The following GALNT15 variants were observed in gnomAD, a reference collection of about 807,000 sequenced individuals.
The protein encoded by GALNT15 is UDP-GalNAc transferase T15.
GALNT15 carries 67 observed loss-of-function variants against 66.8 expected under a neutral mutation model. The ratio of observed to expected loss-of-function variants is 1.00; its 90% CI spans 0.82 to 1.23. The LOEUF (loss-of-function observed/expected upper bound fraction) is 1.23. GALNT15 is among the 50% of genes most tolerant of loss of function. The pLI is 0.00. For missense variants in GALNT15, 827 were observed against 804.3 expected (o/e 1.03, Z -0.34); for synonymous variants, 313 against 311.5 (o/e 1.00, Z -0.05).
Position 16,174,852 on chromosome 3 carries a change from C to T in GALNT15, c.-300C>T, listed in dbSNP as rs367632770. On this transcript the variant is annotated 5_prime_UTR_variant, in exon 1 of 10. Transcript: ENST00000339732. This position sits in a 1 kb window ranked among gnomAD's most constrained non-coding sequence, Gnocchi z 4.7. ...ATTATTTTTTTCCCAAGGAGAAAAC[C>T]GGGGTAAAGGGAGGGAAGCAATTCA... 34 of 388,576 alleles carry T rather than the reference C, an allele frequency of 8.7e-5. No homozygotes were observed. The highest frequency in any genetic ancestry group is 3.5e-4 in the Admixed American group (9 of 25,520). The allele number at this position is 388,576 out of a possible 1,614,324, so 24.1% of individuals were successfully genotyped here. A position where few individuals can be genotyped will look rare whatever the true frequency, so the allele number is the denominator to read the frequency against.
downstream of GALNT15, among the ~76,000 whole-genome samples, chr3:16,235,455 T>C (rs146055815): frequency 2.6e-3 from 403 of 152,264 alleles, 1 homozygote; most frequent in African/African-American, 9.1e-3. Flanking sequence ...AAGTATACCA[T>C]AGAAGTTAGG....
At chr3:16,236,856 G>A (rs192164180), downstream of GALNT15, among the ~76,000 whole-genome samples, 1 of 152,278 alleles carries the variant, frequency 6.6e-6, no homozygotes, top group East Asian at 1.9e-4. Context: ...TTGAGCAAAC[G>A]AGCTTTCTTA....
At position 16,181,626 on chromosome 3, in the gene GALNT15, G is replaced by T. The variant is rs2063472724; in HGVS notation, c.539+5936G>T. Among the ~76,000 whole-genome samples the T allele has an allele frequency of 6.6e-6, 1 of 152,184 alleles. No homozygotes were observed. On this transcript the variant is annotated intron_variant, in intron 1 of 9. Coordinates refer to ENST00000339732, the MANE Select transcript of GALNT15 (RefSeq NM_054110.5). This position sits in a 1 kb window ranked among gnomAD's most constrained non-coding sequence, Gnocchi z 5.9. ...TGACTCCCCACACCCCTTGTTGGCTGTGATAGCCTGGCCTGCAAAAGAGGA... is the reference window on the plus strand; with the variant it reads ...TGACTCCCCACACCCCTTGTTGGCTTTGATAGCCTGGCCTGCAAAAGAGGA...
rs778684205 is a variant in GALNT15 at position 16,228,393 on chromosome 3, C to T, written c.*893C>T. 2 of 951,628 alleles carry T rather than the reference C, an allele frequency of 2.1e-6. No homozygotes were observed. The highest frequency in any genetic ancestry group is 2.5e-6 in the Non-Finnish European group (2 of 798,916). The allele number at this position is 951,628 out of a possible 1,614,324, so 58.9% of individuals were successfully genotyped here. A position where few individuals can be genotyped will look rare whatever the true frequency, so the allele number is the denominator to read the frequency against. ...CGGTGGCTCATGCCTGTAATTCCAG[C>T]ACTTTGGGAGGCAGAGTTGGGAGGA... On this transcript the variant is annotated 3_prime_UTR_variant, in exon 10 of 10. Coordinates refer to ENST00000339732, the MANE Select transcript of GALNT15 (RefSeq NM_054110.5).
Position 16,191,025 on chromosome 3 carries a change from T to A in GALNT15, c.540-4735T>A, listed in dbSNP as rs2063571924. On this transcript the variant is annotated intron_variant, in intron 1 of 9. Coordinates refer to ENST00000339732, the MANE Select transcript of GALNT15 (RefSeq NM_054110.5). The surrounding 1 kb of genome is among the most constrained non-coding windows in gnomAD (Gnocchi z 5.2). The stretch of plus-strand genomic sequence containing the variant: ...GCTTGGCGGGGCATCCCCCATAGCC[T>A]TGTAATGGCTTTCAAGAACCCATTT... Among the ~76,000 whole-genome samples the A allele has an allele frequency of 6.6e-6, 1 of 152,222 alleles. No homozygotes were observed. Among genetic ancestry groups the A allele is most frequent in the Admixed American group, 6.5e-5 (1 of 15,282 alleles).
At chr3:16,192,605 C>T (rs2063590892) in intron 1 of GALNT15, among the ~76,000 whole-genome samples, 1 of 152,148 alleles carries the variant, frequency 6.6e-6, no homozygotes, top group African/African-American at 2.4e-5. Flanking sequence ...AATTTTGCAC[C>T]TGTTTGTGAG....
chr3:16,207,868 C>T (rs982387977), intron 3 of GALNT15, among the ~76,000 whole-genome samples: 3 of 152,158 alleles, frequency 2.0e-5, no homozygotes, highest in Admixed American at 2.0e-4. Flanking sequence ...AGTTAAGAGC[C>T]ACAGTCCTAG....
Position 16,219,105 on chromosome 3 carries a change from C to T in GALNT15, c.1393-298C>T, listed in dbSNP as rs1018263435. On this transcript the variant is annotated intron_variant, in intron 6 of 9. Coordinates refer to ENST00000339732, the MANE Select transcript of GALNT15 (RefSeq NM_054110.5). This position sits in a 1 kb window ranked among gnomAD's most constrained non-coding sequence, Gnocchi z 4.3. The stretch of plus-strand genomic sequence containing the variant: ...TGCTGGAGGTGTGAGCCACCACTCC[C>T]GGCCTATTGTAGTCTTTATAGACTG... Among the ~76,000 whole-genome samples the T allele has an allele frequency of 1.3e-5, 2 of 152,140 alleles. No individual in the cohort carries two copies. The highest frequency in any genetic ancestry group is 2.4e-5 in the African/African-American group (1 of 41,428).
chr3:16,202,199 G>C (rs2063711208), intron 3 of GALNT15, among the ~76,000 whole-genome samples: 1 of 152,212 alleles, frequency 6.6e-6, no homozygotes, highest in African/African-American at 2.4e-5. Context: ...TTTTAACAAA[G>C]AAGAACAATC....
rs2063788286 is a variant in GALNT15, at chr3:16,209,330, G to A, written c.1079+660G>A. 6.6e-6 allele frequency among the ~76,000 whole-genome samples: 1 copy of A among 152,098 alleles called. No homozygotes were observed. Among genetic ancestry groups the A allele is most frequent in the African/African-American group, 2.4e-5 (1 of 41,400 alleles). ...GTTGTCTGCCCCCATGGTTTCTGGG[G>A]TACATAAGGATTTTTAAAGTTTCCC... On this transcript the variant is annotated intron_variant, in intron 4 of 9. Transcript: ENST00000339732. The surrounding 1 kb of genome is among the most constrained non-coding windows in gnomAD (Gnocchi z 4.1).
rs865970635 is a variant in GALNT15 at position 16,212,754 on chromosome 3, C to T, written c.1383C>T (p.Ser461=). ...ACAAGCATAGCCCAGAGGCCTTCTC[C>T]TTGAGCAAGGTAAGGAGAGAGCCAA... ...TFYKHSPEAF[S]LSKAEKPDCM... Residue 461 remains serine, a synonymous_variant, in exon 6 of 10, where the codon TCC becomes TCT. Transcript: ENST00000339732. The T allele has an allele frequency of 6.2e-7, 1 of 1,613,096 alleles. No homozygotes were observed. Among genetic ancestry groups the T allele is most frequent in the Non-Finnish European group, 8.5e-7 (1 of 1,179,926 alleles).
At chr3:16,215,452 C>A (rs1034923217) in intron 6 of GALNT15, among the ~76,000 whole-genome samples, 5 of 152,216 alleles carry the variant, frequency 3.3e-5, no homozygotes, top group Admixed American at 6.5e-5. Context: ...AGAACTAGAA[C>A]TAGTCCAACC....
the GALNT15 span, among the ~76,000 whole-genome samples, chr3:16,246,059 T>TTGC: frequency 6.6e-6 from 1 of 152,322 alleles, no homozygotes; most frequent in South Asian, 2.1e-4. Flanking sequence ...TGGATGGACC[T>TTGC]TGCTTTTTCA....
rs1359931202 is a variant in GALNT15 at position 16,208,642 on chromosome 3, G to A, written c.1051G>A (p.Ala351Thr). The change falls in exon 4 of 10, where the codon GCC becomes ACC. Residue 351 changes from alanine (A) to threonine (T), a missense_variant. Ala to Thr is a moderately conservative substitution (Grantham distance 58, BLOSUM62 0). Transcript: ENST00000339732. Reference sequence around the variant, plus strand: ...ACCTTTGCCAGAGCATGTGAGGAAGGCCCTCCAGTCCCCCATAAGCCCCAT... The same window carrying A: ...ACCTTTGCCAGAGCATGTGAGGAAGACCCTCCAGTCCCCCATAAGCCCCAT... ...WEPLPEHVRK[A>T]LQSPISPIRS... The A allele has an allele frequency of 1.2e-6, 2 of 1,614,056 alleles. No homozygotes were observed. The highest frequency in any genetic ancestry group is 1.7e-6 in the Non-Finnish European group (2 of 1,179,994).
At position 16,203,559 on chromosome 3, in the gene GALNT15, A is replaced by T. The variant is rs867549074; in HGVS notation, c.911+2736A>T. ...CTCTCTCTCTCACACACACACACACACACACACACACACACACACACACAC... is the reference window on the plus strand; with the variant it reads ...CTCTCTCTCTCACACACACACACACTCACACACACACACACACACACACAC... On this transcript the variant is annotated intron_variant, in intron 3 of 9. Transcript: ENST00000339732. This position sits in a 1 kb window ranked among gnomAD's most constrained non-coding sequence, Gnocchi z 6.2. 2.9e-3 allele frequency among the ~76,000 whole-genome samples: 425 copies of T among 146,636 alleles called. 1 individual carries two copies. The highest frequency in any genetic ancestry group is 0.01 in the African/African-American group (405 of 39,774).
At chr3:16,214,336 A>C (rs1451960728) in intron 6 of GALNT15, among the ~76,000 whole-genome samples, 1 of 152,260 alleles carries the variant, frequency 6.6e-6, no homozygotes, top group Non-Finnish European at 1.5e-5. Flanking sequence ...ATGGACTCCA[A>C]GAACAAGATG....
the GALNT15 span, among the ~76,000 whole-genome samples, chr3:16,241,303 T>G: frequency 2.0e-5 from 3 of 152,174 alleles, no homozygotes; most frequent in African/African-American, 7.2e-5. The surrounding 1 kb of genome is among the most constrained non-coding windows in gnomAD (Gnocchi z 4.6). Context: ...ACAGCATCTT[T>G]CTTTTGTGCC....
At position 16,183,863 on chromosome 3, in the gene GALNT15, C is replaced by A. The variant is rs1211945027; in HGVS notation, c.539+8173C>A. 6.6e-6 allele frequency among the ~76,000 whole-genome samples: 1 copy of A among 151,988 alleles called. No homozygotes were observed. Among genetic ancestry groups the A allele is most frequent in the Non-Finnish European group, 1.5e-5 (1 of 67,982 alleles). ...GACTCATTCTCTTCAGAGCCATCAT[C>A]CAAATGCATTTTTCCAAGTTCACAG... On this transcript the variant is annotated intron_variant, in intron 1 of 9. Coordinates refer to ENST00000339732, the MANE Select transcript of GALNT15 (RefSeq NM_054110.5). The surrounding 1 kb of genome is among the most constrained non-coding windows in gnomAD (Gnocchi z 5.2).
rs1208421091 is a variant in GALNT15 at position 16,193,937 on chromosome 3, A to C, written c.540-1823A>C. On this transcript the variant is annotated intron_variant, in intron 1 of 9. Transcript: ENST00000339732. This position sits in a 1 kb window ranked among gnomAD's most constrained non-coding sequence, Gnocchi z 4.7. ...TCCATGTATCAGGTTGTTATAATTC[A>C]CTCCACCCTGGACCCACTGATTCTC... is the stretch of plus-strand genomic sequence containing the variant. 6.6e-6 allele frequency among the ~76,000 whole-genome samples: 1 copy of C among 151,816 alleles called. No individual in the cohort carries two copies. Among genetic ancestry groups the C allele is most frequent in the Non-Finnish European group, 1.5e-5 (1 of 67,982 alleles).
Sources: gnomAD v4.1 joint callset for allele counts (sites outside exome capture counted in the v4.1 genomes callset) on GRCh38, gnomAD v4.1.1 for gene constraint, Gnocchi (gnomAD v3.1) non-coding constraint, MANE v1.5 for transcripts, NCBI Gene and HGNC (gene_info 2026-07-23, HGNC 2026-07-21) for gene names.